The following EPB41L4A variants were observed in gnomAD, a reference collection of about 807,000 sequenced individuals.
The protein encoded by EPB41L4A is erythrocyte membrane protein band 4.1 like 4A.
Under a neutral mutation model 108.6 loss-of-function variants are expected in EPB41L4A, and 100 were observed. The ratio of observed to expected loss-of-function variants is 0.92; its 90% confidence interval spans 0.78 to 1.09. The LOEUF (loss-of-function observed/expected upper bound fraction) is 1.09, where lower values mean the gene tolerates loss of function less well. Ranked by LOEUF, EPB41L4A falls within the 50% of genes least tolerant of loss-of-function variation. EPB41L4A has a pLI of 0.00. For missense variants in EPB41L4A, 1,030 were observed against 842.7 expected (o/e 1.22, Z -2.75); for synonymous variants, 319 against 289.0 (o/e 1.10, Z -1.05).
chr5:112,324,479 A>G (rs1756008654), intron 1 of EPB41L4A, among the ~76,000 whole-genome samples: 1 of 152,090 alleles, frequency 6.6e-6, no homozygotes, highest in South Asian at 2.1e-4. Flanking sequence ...TAATCCTAAC[A>G]CTTTGGAGGC....
At chr5:112,181,925 T>TA (rs1761177409) in intron 18 of EPB41L4A, among the ~76,000 whole-genome samples, 1 of 151,872 alleles carries the variant, frequency 6.6e-6, no homozygotes, top group African/African-American at 2.4e-5. Flanking sequence ...ATAGAAAAAT[T>TA]AGTTGGGTGT....
chr5:112,169,288 T>C (rs563410350), intron 20 of EPB41L4A, among the ~76,000 whole-genome samples, 183 bp from the exon 21 acceptor site: 1 of 152,214 alleles, frequency 6.6e-6, no homozygotes, highest in Non-Finnish European at 1.5e-5. Context: ...CTTGACAATA[T>C]GTGAAAATGA....
intron 2 of EPB41L4A, among the ~76,000 whole-genome samples, chr5:112,305,700 A>G (rs951273942): frequency 2.0e-5 from 3 of 152,168 alleles, no homozygotes; most frequent in African/African-American, 7.2e-5. Flanking sequence ...AGACTAAGCA[A>G]TGTTTACAAA....
At chr5:112,262,066 AT>A (rs1238105072) in intron 7 of EPB41L4A, among the ~76,000 whole-genome samples, 6 of 151,660 alleles carry the variant, frequency 4.0e-5, no homozygotes, top group African/African-American at 1.5e-4. Context: ...TAATTTTTGT[AT>A]TTTTAGTAGA....
intron 1 of EPB41L4A, among the ~76,000 whole-genome samples, chr5:112,370,191 A>T (rs1337468589): frequency 7.3e-6 from 1 of 136,972 alleles, no homozygotes; most frequent in Non-Finnish European, 1.6e-5. Context: ...AGCCTGTCTA[A>T]TTTTTTTTTT....
In EPB41L4A at chr5:112,307,388, T is replaced by C; in HGVS notation, c.202A>G (p.Thr68Ala). Residue 68 changes from threonine (T) to alanine (A), a missense_variant and splice_region_variant, in exon 2 of 23, where the codon ACG becomes GCG. Physicochemically the swap from Thr to Ala is moderately conservative, Grantham distance 58. Coordinates refer to ENST00000261486, the MANE Select transcript of EPB41L4A (RefSeq NM_022140.5). ...GLRYCDRSHQ[T>A]YWLDPAKTLA... is the part of the protein sequence containing the mutation. ...TAACACAAAGTCACCTTACTCACCG[T>C]CTGATGGCTTCTGTCACAGTAACGT... 1 of 1,602,640 alleles carries C rather than the reference T, an allele frequency of 6.2e-7. No homozygotes were observed. The highest frequency in any genetic ancestry group is 8.5e-7 in the Non-Finnish European group (1 of 1,170,250).
At chr5:112,319,860 G>A (rs1454164049) in intron 1 of EPB41L4A, among the ~76,000 whole-genome samples, 1 of 152,154 alleles carries the variant, frequency 6.6e-6, no homozygotes, top group African/African-American at 2.4e-5. Context: ...CTGCCATGAT[G>A]ATGTACTAGA....
At chr5:112,359,630 T>C (rs1758587736) in intron 1 of EPB41L4A, among the ~76,000 whole-genome samples, 1 of 151,364 alleles carries the variant, frequency 6.6e-6, no homozygotes, top group African/African-American at 2.4e-5. Context: ...CAGCTCCGCC[T>C]CCCGGGTTCA....
chr5:112,177,908 C>T (rs1760950824), intron 18 of EPB41L4A, among the ~76,000 whole-genome samples: 1 of 151,534 alleles, frequency 6.6e-6, no homozygotes. Flanking sequence ...GAGCAACAAA[C>T]CAACAAAAAA....
chr5:112,304,377 A>G (rs1169973013), intron 2 of EPB41L4A, among the ~76,000 whole-genome samples: 1 of 152,148 alleles, frequency 6.6e-6, no homozygotes. Flanking sequence ...CTGTAAGTCA[A>G]ACCAAGGCCC....
intron 16 of EPB41L4A, 109 bp downstream of exon 16, chr5:112,195,552 T>TA (rs976727072): frequency 1.2e-4 from 107 of 903,988 alleles, no homozygotes; most frequent in Admixed American, 4.2e-4. Flanking sequence ...CTTTTGAAAG[T>TA]AAAAAAAATA....
intron 1 of EPB41L4A, among the ~76,000 whole-genome samples, chr5:112,361,708 AAAAAT>A (rs1319435051): frequency 1.3e-5 from 1 of 76,314 alleles, no homozygotes; most frequent in African/African-American, 4.2e-5. Context: ...AATGCTAAAA[AAAAAT>A]AATAATAATA....
intron 1 of EPB41L4A, among the ~76,000 whole-genome samples, chr5:112,364,432 TGTGA>T (rs1207198036): frequency 3.0e-4 from 46 of 152,354 alleles, no homozygotes; most frequent in Admixed American, 1.2e-3. Flanking sequence ...CTGGAATTGC[TGTGA>T]GTATTAATTT....
At chr5:112,280,111 C>T (rs1752870726) in intron 3 of EPB41L4A, among the ~76,000 whole-genome samples, 161 bp downstream of exon 3, 1 of 152,144 alleles carries the variant, frequency 6.6e-6, no homozygotes, top group South Asian at 2.1e-4. Flanking sequence ...TTGGAGAGGG[C>T]CTAGCAATGC....
intron 1 of EPB41L4A, among the ~76,000 whole-genome samples, chr5:112,376,564 A>G (rs1461608203): frequency 2.6e-5 from 4 of 152,236 alleles, no homozygotes; most frequent in African/African-American, 4.8e-5. Flanking sequence ...TTTATTTTTA[A>G]ACATAAAACC....
chr5:112,333,766 C>G (rs999543645), intron 1 of EPB41L4A, among the ~76,000 whole-genome samples: 1 of 152,210 alleles, frequency 6.6e-6, no homozygotes, highest in African/African-American at 2.4e-5. Flanking sequence ...ACCCGGCTGT[C>G]TGCCAGGGCC....
chr5:112,213,734 G>A (rs1457429248), intron 12 of EPB41L4A, among the ~76,000 whole-genome samples: 1 of 152,112 alleles, frequency 6.6e-6, no homozygotes, highest in Non-Finnish European at 1.5e-5. Flanking sequence ...AACTAGACAA[G>A]CCTGGGTTTT....
chr5:112,318,108 A>G (rs1025214774), intron 1 of EPB41L4A, among the ~76,000 whole-genome samples: 7 of 152,174 alleles, frequency 4.6e-5, no homozygotes, highest in Non-Finnish European at 7.4e-5. Flanking sequence ...ACTTGCCCAC[A>G]GGTCACAGGG....
chr5:112,195,118 T>C (rs1046403479), intron 16 of EPB41L4A, among the ~76,000 whole-genome samples: 9 of 152,142 alleles, frequency 5.9e-5, no homozygotes, highest in Non-Finnish European at 1.3e-4. Context: ...GTTCCAGGAC[T>C]AGCCCCTTAA....
Sources: gnomAD v4.1 joint callset for allele counts (sites outside exome capture counted in the v4.1 genomes callset) on GRCh38, gnomAD v4.1.1 for gene constraint, MANE v1.5 for transcripts, NCBI Gene and HGNC (gene_info 2026-07-23, HGNC 2026-07-21) for gene names.